GUCY2C: variants seen among roughly 807,000 people sequenced by gnomAD.
GUCY2C encodes guanylate cyclase 2C.
In GUCY2C, 118 loss-of-function variants were observed where a neutral mutation model predicts 131.1. The observed-to-expected ratio is 0.90, with a 90% confidence interval of 0.78 to 1.05. The LOEUF is 1.05. Ranked by LOEUF, GUCY2C falls within the 50% of genes least tolerant of loss-of-function variation. The pLI is 0.00. For synonymous variants in GUCY2C, 452 were observed against 457.8 expected (o/e 0.99, Z 0.16); for missense variants, 1,161 against 1,304.4 (o/e 0.89, Z 1.69).
intron 26 of GUCY2C, among the ~76,000 whole-genome samples, chr12:14,614,285 A>G (rs1946711850): frequency 6.6e-6 from 1 of 152,202 alleles, no homozygotes; most frequent in South Asian, 2.1e-4. Flanking sequence ...AGTGGACAGA[A>G]TAGGTAGAAG....
rs578057898 is a variant in GUCY2C, at chr12:14,619,270, C to T, written c.2816G>A (p.Arg939His). Residue 939 changes from arginine to histidine, a missense_variant, in exon 24 of 27, where the codon CGT becomes CAT. Coordinates refer to ENST00000261170, the MANE Select transcript of GUCY2C (RefSeq NM_004963.4). ...AAGVVGIKMP[R>H]YCLFGDTVNT... ...GACCGTATCTCCAAATAGACAATAACGAGGCATCTTGATTCCCACAACTCC... is the reference window on the plus strand; with the variant it reads ...GACCGTATCTCCAAATAGACAATAATGAGGCATCTTGATTCCCACAACTCC... The T allele has an allele frequency of 2.7e-5, 43 of 1,612,880 alleles. No individual in the cohort carries two copies. Among genetic ancestry groups the T allele is most frequent in the Non-Finnish European group, 3.1e-5 (37 of 1,179,066 alleles).
intron 19 of GUCY2C, among the ~76,000 whole-genome samples, chr12:14,633,892 C>A (rs916210175): frequency 2.0e-5 from 3 of 151,986 alleles, no homozygotes; most frequent in East Asian, 3.9e-4. Flanking sequence ...AATGAATGAG[C>A]AAAGCCTACA....
intron 19 of GUCY2C, among the ~76,000 whole-genome samples, chr12:14,636,101 C>T (rs1161604269): frequency 1.3e-5 from 2 of 152,054 alleles, no homozygotes; most frequent in Admixed American, 1.3e-4. Flanking sequence ...CTTCATTCTA[C>T]AAGGCCAGCA....
intron 14 of GUCY2C, 43 bp from the exon 15 acceptor site, chr12:14,651,554 G>T: frequency 2.0e-6 from 2 of 983,504 alleles, no homozygotes; most frequent in South Asian, 2.7e-5. Context: ...AGGCAGAATG[G>T]GGTGCCAAAG....
Position 14,665,936 on chromosome 12 carries a change from C to T in GUCY2C, c.1282+3786G>A, listed in dbSNP as rs559029717. On this transcript the variant is annotated intron_variant, in intron 10 of 26. Transcript: ENST00000261170. ...TCGCGTGACGAGAAGATTAAGGACA[C>T]AGACGCAAACACGGAGCGGGTCAAG... 4 of 152,294 alleles carry T rather than the reference C, an allele frequency of 2.6e-5. No homozygotes were observed. In the East Asian group the frequency reaches 7.7e-4, roughly 29 times the overall value. The allele number at this position is 152,294 out of a possible 1,614,324, so 9.4% of individuals were successfully genotyped here.
chr12:14,654,592 G>C (rs750561639), intron 12 of GUCY2C, among the ~76,000 whole-genome samples: 54 of 152,150 alleles, frequency 3.5e-4, no homozygotes, highest in Non-Finnish European at 5.6e-4. Flanking sequence ...ATTTTGTAAA[G>C]AAACTGACAA....
intron 19 of GUCY2C, among the ~76,000 whole-genome samples, chr12:14,636,100 A>C (rs531719998): frequency 5.9e-5 from 9 of 152,314 alleles, no homozygotes; most frequent in African/African-American, 2.2e-4. Context: ...CCTTCATTCT[A>C]CAAGGCCAGC....
intron 10 of GUCY2C, among the ~76,000 whole-genome samples, chr12:14,661,592 C>A (rs1314530452): frequency 6.6e-6 from 1 of 152,046 alleles, no homozygotes; most frequent in Admixed American, 6.5e-5. Context: ...GTGTGCGCCA[C>A]CATGCCCGGA....
At chr12:14,688,222 CTG>C (rs1948510449) in intron 1 of GUCY2C, among the ~76,000 whole-genome samples, 159 bp from the exon 2 acceptor site, 1 of 152,002 alleles carries the variant, frequency 6.6e-6, no homozygotes, top group South Asian at 2.1e-4. Flanking sequence ...CTTTTTTCCT[CTG>C]TGTGTCTCTG....
At chr12:14,647,041 G>A (rs1489117758) in intron 15 of GUCY2C, among the ~76,000 whole-genome samples, 2 of 152,156 alleles carry the variant, frequency 1.3e-5, no homozygotes, top group African/African-American at 4.8e-5. Flanking sequence ...TCAAATGAAG[G>A]GAGGCAAGAG....
intron 12 of GUCY2C, among the ~76,000 whole-genome samples, chr12:14,656,080 A>G (rs1383492205): frequency 6.6e-6 from 1 of 152,174 alleles, no homozygotes; most frequent in Non-Finnish European, 1.5e-5. Flanking sequence ...GGCTGCTGCT[A>G]TTTCCTGGTT....
At chr12:14,630,182 A>G (rs1323923259) in intron 19 of GUCY2C, among the ~76,000 whole-genome samples, 1 of 151,800 alleles carries the variant, frequency 6.6e-6, no homozygotes, top group Non-Finnish European at 1.5e-5. Flanking sequence ...AAACAAGATC[A>G]TAAGTGATAC....
chr12:14,621,151 A>G lies in GUCY2C; in HGVS notation c.2667T>C (p.His889=). 6.2e-7 allele frequency: 1 copy of G among 1,613,640 alleles called. No homozygotes were observed. The highest frequency in any genetic ancestry group is 8.5e-7 in the Non-Finnish European group (1 of 1,179,624). The change falls in exon 23 of 27, where the codon CAT becomes CAC. Residue 889 remains histidine (H), a synonymous_variant. Coordinates refer to ENST00000261170, the MANE Select transcript of GUCY2C (RefSeq NM_004963.4). ...SGLPKRNGNR[H]AIDIAKMALE... ...AGGCCATCTTGGCAATGTCTATTGC[A>G]TGCCGATTGCCATTTCTCTTAGGCA...
At chr12:14,690,506 A>C (rs1479249417) in intron 1 of GUCY2C, among the ~76,000 whole-genome samples, 1 of 152,072 alleles carries the variant, frequency 6.6e-6, no homozygotes, top group Non-Finnish European at 1.5e-5. Flanking sequence ...ATCAGGACAA[A>C]TGTCTGATTC....
intron 15 of GUCY2C, among the ~76,000 whole-genome samples, chr12:14,645,828 G>GT (rs199803516): frequency 0.014 from 1,904 of 138,856 alleles, 27 homozygotes; most frequent in African/African-American, 0.029. Flanking sequence ...AATTTTCTTT[G>GT]TTTTTTTTTG....
At position 14,624,429 on chromosome 12, in the gene GUCY2C, G is replaced by A. The variant is rs182938927; in HGVS notation, c.2408+1328C>T. On this transcript the variant is annotated intron_variant, in intron 21 of 26. Transcript: ENST00000261170. ...GCACTCCAGCCTGGGCAACAAGAGT[G>A]AAACTCCATCTCAAAAATAAATAAA... is the stretch of plus-strand genomic sequence containing the variant. Among the ~76,000 whole-genome samples the A allele has an allele frequency of 5.1e-3, 775 of 151,818 alleles. 9 individuals are homozygous for A. Among genetic ancestry groups the A allele is most frequent in the African/African-American group, 0.018 (748 of 41,414 alleles).
At chr12:14,673,559 A>T (rs1353122602) in intron 8 of GUCY2C, among the ~76,000 whole-genome samples, 1 of 152,190 alleles carries the variant, frequency 6.6e-6, no homozygotes, top group Non-Finnish European at 1.5e-5. Context: ...TATATGCATT[A>T]TCATATTATT....
chr12:14,652,043 A>G lies in GUCY2C; in HGVS notation c.1534-13T>C, dbSNP rs537525850. 3.2e-5 allele frequency: 49 copies of G among 1,550,178 alleles called. No homozygotes were observed. The South Asian group carries it at 4.9e-4, about 16-fold the overall frequency. On this transcript the variant is annotated splice_polypyrimidine_tract_variant and intron_variant, in intron 13 of 26. Transcript: ENST00000261170. ...TGAGAATCACTCGCTGCAAAAATCAATGAAATTTAGGAGACAGTGTTGTGG... is the reference window on the plus strand; with the variant it reads ...TGAGAATCACTCGCTGCAAAAATCAGTGAAATTTAGGAGACAGTGTTGTGG...
intron 20 of GUCY2C, among the ~76,000 whole-genome samples, chr12:14,627,944 A>C (rs1592084846): frequency 6.6e-6 from 1 of 152,322 alleles, no homozygotes; most frequent in South Asian, 2.1e-4. Flanking sequence ...TGAGAACTAC[A>C]GAAAGACCTG....
Sources: allele counts gnomAD v4.1 joint callset (sites outside exome capture counted in the v4.1 genomes callset), GRCh38; gene constraint gnomAD v4.1.1; transcripts MANE v1.5; gene names NCBI Gene and HGNC (gene_info 2026-07-23, HGNC 2026-07-21).